Variants in HNF1B observed in about 807,000 individuals in gnomAD.
The protein encoded by HNF1B is HNF1 homeobox B.
A neutral mutation model predicts 61.7 loss-of-function variants in HNF1B; 8 were observed. The observed-to-expected ratio is 0.13, with a 90% confidence interval of 0.08 to 0.23. The LOEUF (loss-of-function observed/expected upper bound fraction) is 0.23, where lower values mean the gene tolerates loss of function less well. HNF1B is among the 10% of genes least tolerant of loss of function. The pLI is 1.00. For missense variants in HNF1B, 562 were observed against 714.5 expected, an observed-to-expected ratio of 0.79 and a Z score of 2.43; for synonymous variants, 314 against 287.7, an observed-to-expected ratio of 1.09 and a Z score of -0.93.
chr17:37,744,124 A>T lies in HNF1B; in HGVS notation c.344+417T>A, dbSNP rs189655778. The stretch of plus-strand genomic sequence containing the variant: ...GCCGACATGCGGCTTTCCAGACCCG[A>T]GGCAGGGCGCAGGAAAAATGCGCGG... On this transcript the variant is annotated intron_variant, in intron 1 of 8. Transcript: ENST00000617811. Among the ~76,000 whole-genome samples, 292 of 152,336 alleles carry T rather than the reference A, an allele frequency of 1.9e-3. 2 individuals carry two copies. Among genetic ancestry groups the T allele is most frequent in the African/African-American group, 6.8e-3 (284 of 41,580 alleles).
At chr17:37,744,053 C>T (rs1478232080) in intron 1 of HNF1B, among the ~76,000 whole-genome samples, 1 of 152,284 alleles carries the variant, frequency 6.6e-6, no homozygotes, top group Non-Finnish European at 1.5e-5. Flanking sequence ...GCCGCCTGTC[C>T]TTCGGCAAAG....
At chr17:37,743,641 C>T (rs549858782) in intron 1 of HNF1B, among the ~76,000 whole-genome samples, 3 of 152,352 alleles carry the variant, frequency 2.0e-5, no homozygotes, top group Admixed American at 6.5e-5. Flanking sequence ...GAGCGACGTG[C>T]TGTCTCAGGG....
At chr17:37,689,146 CA>C (rs71368464) in intron 8 of HNF1B, among the ~76,000 whole-genome samples, 1,722 of 62,436 alleles carry the variant, frequency 0.028, 16 homozygotes, top group African/African-American at 0.041. Context: ...CTTGGTCTCA[CA>C]AAAAAAAAAA....
At chr17:37,707,201 G>C (rs1239611120) in intron 5 of HNF1B, among the ~76,000 whole-genome samples, 1 of 150,356 alleles carries the variant, frequency 6.7e-6, no homozygotes, top group Admixed American at 6.7e-5. Context: ...CTGCAGCTTC[G>C]AACTCCTGGA....
intron 1 of HNF1B, among the ~76,000 whole-genome samples, chr17:37,742,806 C>G (rs951258419): frequency 1.9e-4 from 29 of 151,340 alleles, no homozygotes; most frequent in African/African-American, 6.8e-4. Context: ...CGGGCGCTCA[C>G]AGAGCCCGCG....
intron 2 of HNF1B, among the ~76,000 whole-genome samples, chr17:37,738,890 G>A (rs1568670059): frequency 6.6e-6 from 1 of 152,124 alleles, no homozygotes; most frequent in African/African-American, 2.4e-5. Context: ...GGTAAATGTG[G>A]GTAAACACCT....
chr17:37,711,329 G>T (rs2147476408), intron 4 of HNF1B, among the ~76,000 whole-genome samples: 1 of 152,328 alleles, frequency 6.6e-6, no homozygotes, highest in South Asian at 2.1e-4. Flanking sequence ...CCATTTGGCT[G>T]CCTTCCAGGG....
chr17:37,744,361 G>T (rs570149097), intron 1 of HNF1B, among the ~76,000 whole-genome samples, 180 bp downstream of exon 1: 1 of 152,348 alleles, frequency 6.6e-6, no homozygotes, highest in East Asian at 1.9e-4. Context: ...TGGGCCGCAG[G>T]GTCGTCCCGC....
chr17:37,699,254 G>A (rs1412062954), intron 7 of HNF1B, 60 bp from the exon 8 acceptor site: 1 of 1,278,462 alleles, frequency 7.8e-7, no homozygotes, highest in South Asian at 1.2e-5. Flanking sequence ...CACAGGTACA[G>A]AGCCCCCATC....
rs1160570758 is a variant in HNF1B, at chr17:37,740,575, A to G, written c.345-936T>C. Among the ~76,000 whole-genome samples, 7 of 152,292 alleles carry G rather than the reference A, an allele frequency of 4.6e-5. No individual in the cohort carries two copies. The East Asian group carries it at 1.2e-3, about 25-fold the overall frequency. ...TTCAGAGTTTTAGAAAAGTTTTCCA[A>G]AATACAATGTTGTATCTCCTTGGGA... On this transcript the variant is annotated intron_variant, in intron 1 of 8. Transcript: ENST00000617811.
intron 4 of HNF1B, among the ~76,000 whole-genome samples, chr17:37,727,594 G>C (rs1452227286): frequency 6.6e-6 from 1 of 152,212 alleles, no homozygotes; most frequent in African/African-American, 2.4e-5. Context: ...GCTGGAAACA[G>C]CTGACTCTGC....
chr17:37,725,582 C>G (rs1234643084), intron 4 of HNF1B, among the ~76,000 whole-genome samples: 1 of 152,204 alleles, frequency 6.6e-6, no homozygotes, highest in Non-Finnish European at 1.5e-5. Context: ...AAGGAGAATG[C>G]TGGAGCCACC....
chr17:37,744,404 A>G (rs2034101840), intron 1 of HNF1B, 137 bp downstream of exon 1: 1 of 833,046 alleles, frequency 1.2e-6, no homozygotes, highest in African/African-American at 1.7e-5. Flanking sequence ...GTGTTGGGAG[A>G]GAAGCAGAGC....
intron 4 of HNF1B, among the ~76,000 whole-genome samples, 159 bp from the exon 5 acceptor site, chr17:37,710,822 G>A (rs1055348004): frequency 2.6e-5 from 4 of 152,320 alleles, no homozygotes; most frequent in Non-Finnish European, 2.9e-5. Context: ...TTTCTCCAGG[G>A]TAAATATGGC....
chr17:37,735,461 T>C (rs2147559708), intron 2 of HNF1B, among the ~76,000 whole-genome samples: 1 of 152,322 alleles, frequency 6.6e-6, no homozygotes, highest in Admixed American at 6.5e-5. Context: ...ACTGATGGTG[T>C]CACTGGGGCC....
intron 1 of HNF1B, among the ~76,000 whole-genome samples, chr17:37,741,965 A>C (rs2034004492): frequency 6.6e-6 from 1 of 152,224 alleles, no homozygotes; most frequent in Non-Finnish European, 1.5e-5. Flanking sequence ...ACGTGTGTTC[A>C]CCGGGAAGAG....
At chr17:37,714,121 T>G (rs886121087) in intron 4 of HNF1B, among the ~76,000 whole-genome samples, 2 of 152,234 alleles carry the variant, frequency 1.3e-5, no homozygotes, top group Admixed American at 1.3e-4. Context: ...TTCCTTACTG[T>G]TAACAATATC....
At position 37,731,615 on chromosome 17, in the gene HNF1B, G is replaced by A. The variant is rs780035561; in HGVS notation, c.1025C>T (p.Ser342Phe). ...CTTACCTGACAGCTTGTTTGGAGGA[G>A]AGGAGCTGGGCTGGTGGTGGGGGGA... ...HGSPHHQPSS[S>F]PPNKLSGVRY... Residue 342 changes from serine (S) to phenylalanine (F), a missense_variant, in exon 4 of 9, where the codon TCT (serine) becomes TTT (phenylalanine). By Grantham distance (155) the Ser-to-Phe change is radical. Coordinates refer to ENST00000617811, the MANE Select transcript of HNF1B (RefSeq NM_000458.4). 4.1e-5 allele frequency: 66 copies of A among 1,613,144 alleles called. No individual in the cohort carries two copies. The highest frequency in any genetic ancestry group is 8.8e-5 in the South Asian group (8 of 90,950).
chr17:37,725,970 G>C (rs60081436), intron 4 of HNF1B, among the ~76,000 whole-genome samples: 6,381 of 152,314 alleles, frequency 0.042, 156 homozygotes, highest in East Asian at 0.12. Context: ...GCCTGGGCAG[G>C]GCACAGAATC....
Sources: allele counts gnomAD v4.1 joint callset (sites outside exome capture counted in the v4.1 genomes callset), GRCh38; gene constraint gnomAD v4.1.1; transcripts MANE v1.5; gene names NCBI Gene and HGNC (gene_info 2026-07-23, HGNC 2026-07-21).